RBM39: variants seen among roughly 807,000 people sequenced by gnomAD.
RBM39 encodes the protein RNA-binding protein 39.
RBM39 carries 12 observed loss-of-function variants against 79.6 expected under a neutral mutation model. That is an observed-to-expected ratio of 0.15 (90% confidence interval 0.10 to 0.24). RBM39 has a LOEUF of 0.24. Ranked by LOEUF, RBM39 falls within the 10% of genes least tolerant of loss-of-function variation. The pLI is 1.00. For synonymous variants in RBM39, 185 were observed against 208.4 expected, an observed-to-expected ratio of 0.89 and a Z score of 0.97; for missense variants, 243 against 653.4, an observed-to-expected ratio of 0.37 and a Z score of 6.85.
intron 3 of RBM39, among the ~76,000 whole-genome samples, chr20:35,737,043 G>A (rs915998173): frequency 1.3e-5 from 2 of 151,222 alleles, no homozygotes; most frequent in African/African-American, 4.9e-5. Context: ...CGGATCATGA[G>A]GTCAAGAGAT....
chr20:35,709,356 T>G, intron 12 of RBM39, 82 bp from the exon 13 acceptor site: 1 of 1,179,110 alleles, frequency 8.5e-7, no homozygotes, highest in Non-Finnish European at 1.2e-6. Context: ...AGGACTACAA[T>G]AGCAGGGTTC....
chr20:35,705,373 A>G, intron 14 of RBM39, 43 bp from the exon 15 acceptor site: 1 of 1,051,656 alleles, frequency 9.5e-7, no homozygotes, highest in South Asian at 1.4e-5. Context: ...ATTGAAACTA[A>G]CAAACTATAT....
intron 4 of RBM39, 43 bp from the exon 5 acceptor site, chr20:35,729,570 T>C: frequency 6.4e-7 from 1 of 1,568,624 alleles, no homozygotes; most frequent in Non-Finnish European, 8.7e-7. Flanking sequence ...AGGTTTAGGG[T>C]CTTGCTAAGA....
intron 10 of RBM39, among the ~76,000 whole-genome samples, chr20:35,716,010 T>C (rs958251642): frequency 2.6e-5 from 4 of 152,240 alleles, no homozygotes; most frequent in Admixed American, 6.5e-5. Flanking sequence ...CATGTTTGCA[T>C]GGCCTGCAGA....
intron 4 of RBM39, 180 bp downstream of exon 4, chr20:35,731,761 T>G (rs1016599440): frequency 9.2e-5 from 60 of 654,142 alleles, no homozygotes; most frequent in Middle Eastern, 8.4e-4. Context: ...AATTTTTACT[T>G]ATTTGTCTAT....
At chr20:35,729,645 T>G in intron 4 of RBM39, 118 bp from the exon 5 acceptor site, 1 of 897,944 alleles carries the variant, frequency 1.1e-6, no homozygotes, top group Admixed American at 2.7e-5. Context: ...ACCTCAGTTA[T>G]GAAGAGGAAA....
Position 35,721,895 on chromosome 20 carries a change from C to G in RBM39, c.688-18G>C. ...TTTTCTGCCTAGAAGACAAAATACA[C>G]GTCACACAGAGATAACACACAGCAG... On this transcript the variant is annotated intron_variant, in intron 8 of 16. Transcript: ENST00000253363. The G allele has an allele frequency of 6.2e-7, 1 of 1,610,100 alleles. No homozygotes were observed.
chr20:35,732,280 TAA>T (rs11479445), intron 3 of RBM39, 145 bp from the exon 4 acceptor site: 87,500 of 475,898 alleles, frequency 0.18, 1 homozygote, highest in Middle Eastern at 0.22. Context: ...TAATCATACT[TAA>T]AAAAAAAAAA....
At chr20:35,730,718 T>C (rs1411514980) in intron 4 of RBM39, among the ~76,000 whole-genome samples, 1 of 151,984 alleles carries the variant, frequency 6.6e-6, no homozygotes, top group Non-Finnish European at 1.5e-5. Context: ...TAGTTCATCC[T>C]GGTAAAAAGA....
chr20:35,716,611 C>T lies in RBM39; in HGVS notation c.891+129G>A, dbSNP rs1010900016. 1.8e-5 allele frequency: 12 copies of T among 682,712 alleles called. No homozygotes were observed. In the African/African-American group the frequency reaches 1.9e-4, roughly 11 times the overall value. 42.3% of individuals were successfully genotyped at this position (682,712 alleles called of 1,614,324 possible). On this transcript the variant is annotated intron_variant, in intron 10 of 16. Transcript: ENST00000253363. The stretch of plus-strand genomic sequence containing the variant: ...GGACACAGAGGCTCAGTCCTGTAAT[C>T]CCAGCAGTTTGGAAGGCTAAGGTGG...
intron 14 of RBM39, 101 bp from the exon 15 acceptor site, chr20:35,705,431 A>C: frequency 1.4e-6 from 1 of 693,166 alleles, no homozygotes; most frequent in South Asian, 2.0e-5. Flanking sequence ...ATTAAAAAAA[A>C]TACTTTGGAA....
chr20:35,724,414 T>C (rs1233967760), intron 8 of RBM39, among the ~76,000 whole-genome samples, 156 bp downstream of exon 8: 1 of 148,550 alleles, frequency 6.7e-6, no homozygotes, highest in East Asian at 2.0e-4. Context: ...ACTGTATCAA[T>C]GTTAATAAAC....
chr20:35,720,604 TA>T (rs61224365), intron 9 of RBM39, among the ~76,000 whole-genome samples: 5,934 of 130,678 alleles, frequency 0.045, 88 homozygotes, highest in Non-Finnish European at 0.062. Flanking sequence ...GCCCTGTCTC[TA>T]AAAAAAAAAA....
chr20:35,729,425 A>C (rs1255584777), intron 5 of RBM39, 37 bp downstream of exon 5: 1 of 1,608,168 alleles, frequency 6.2e-7, no homozygotes, highest in East Asian at 2.2e-5. Flanking sequence ...AGTTCCTTGA[A>C]AAACAATTTA....
chr20:35,733,598 G>T (rs1435722188), intron 3 of RBM39, among the ~76,000 whole-genome samples: 1 of 150,186 alleles, frequency 6.7e-6, no homozygotes, highest in Non-Finnish European at 1.5e-5. Context: ...AACAGAGCAA[G>T]ACTGTCTCCA....
At chr20:35,717,515 A>G (rs143230673) in intron 9 of RBM39, among the ~76,000 whole-genome samples, 1 of 152,214 alleles carries the variant, frequency 6.6e-6, no homozygotes, top group Non-Finnish European at 1.5e-5. Flanking sequence ...AGTAATTTCC[A>G]ATTATACCAG....
In RBM39 at chr20:35,725,175, T is replaced by C; in HGVS notation, c.417-20A>G. On this transcript the variant is annotated intron_variant, in intron 6 of 16. Coordinates refer to ENST00000253363, the MANE Select transcript of RBM39 (RefSeq NM_184234.3). ...GGTTCTCTAATAGGAGTAAAACATA[T>C]AAAATTAATTTCATAACAGATTTTA... 2 of 1,352,162 alleles carry C rather than the reference T, an allele frequency of 1.5e-6. No individual in the cohort carries two copies. The highest frequency in any genetic ancestry group is 2.1e-6 in the Non-Finnish European group (2 of 970,254). 83.8% of individuals were successfully genotyped at this position (1,352,162 alleles called of 1,614,324 possible). A position where few individuals can be genotyped will look rare whatever the true frequency, so the allele number is the denominator to read the frequency against.
intron 3 of RBM39, chr20:35,735,185 C>A: frequency 7.4e-7 from 1 of 1,348,566 alleles, no homozygotes; most frequent in Non-Finnish European, 9.6e-7. Context: ...TTAATGTTAT[C>A]TTTTATTGAG....
chr20:35,710,729 A>G (rs942724963), intron 12 of RBM39, among the ~76,000 whole-genome samples: 20 of 152,228 alleles, frequency 1.3e-4, no homozygotes, highest in African/African-American at 4.8e-4. Flanking sequence ...GTAATATTTT[A>G]ATGACCACCA....
Sources: allele counts gnomAD v4.1 joint callset (sites outside exome capture counted in the v4.1 genomes callset), GRCh38; gene constraint gnomAD v4.1.1; transcripts MANE v1.5; gene names NCBI Gene and HGNC (gene_info 2026-07-23, HGNC 2026-07-21).